TNKS: variants seen among roughly 807,000 people sequenced by gnomAD.
The protein encoded by TNKS is poly [ADP-ribose] polymerase tankyrase-1.
A neutral mutation model predicts 135.8 loss-of-function variants in TNKS; 72 were observed. The observed-to-expected ratio is 0.53, with a 90% CI of 0.44 to 0.64. The LOEUF (loss-of-function observed/expected upper bound fraction) is 0.64, where lower values mean the gene tolerates loss of function less well. Ranked by LOEUF, TNKS falls within the 30% of genes least tolerant of loss-of-function variation. The probability of loss-of-function intolerance (pLI) is 0.00; values close to 1 mark genes in which losing one functional copy is unlikely to be tolerated. For missense variants in TNKS, 1,769 were observed against 1,674.0 expected (o/e 1.06, Z -0.99); for synonymous variants, 849 against 649.3 (o/e 1.31, Z -4.68).
chr8:9,726,842 C>A, intron 13 of TNKS, 122 bp downstream of exon 13: 1 of 764,702 alleles, frequency 1.3e-6, no homozygotes, highest in East Asian at 2.5e-5. Flanking sequence ...GAGTCATGGG[C>A]AGGAAAAATC....
At chr8:9,687,315 T>A (rs768660863) in intron 5 of TNKS, among the ~76,000 whole-genome samples, 14 of 152,180 alleles carry the variant, frequency 9.2e-5, no homozygotes, top group Non-Finnish European at 2.1e-4. Flanking sequence ...CAATTATATA[T>A]CTAATCAAGT....
At chr8:9,559,269 T>G (rs186664045) in intron 1 of TNKS, among the ~76,000 whole-genome samples, 44 of 152,270 alleles carry the variant, frequency 2.9e-4, no homozygotes, top group African/African-American at 6.3e-4. Flanking sequence ...GGAGCTCTTA[T>G]CCTTGTTTTA....
intron 2 of TNKS, among the ~76,000 whole-genome samples, chr8:9,600,723 T>G (rs1798985292): frequency 6.6e-6 from 1 of 152,222 alleles, no homozygotes; most frequent in African/African-American, 2.4e-5. Context: ...GAAATTAATT[T>G]GTTCCAAGTA....
chr8:9,627,177 C>T (rs189514395), intron 3 of TNKS, among the ~76,000 whole-genome samples: 5 of 152,310 alleles, frequency 3.3e-5, no homozygotes, highest in Admixed American at 6.5e-5. Flanking sequence ...TTCCTGGCAG[C>T]TGGTGCTCCA....
intron 3 of TNKS, among the ~76,000 whole-genome samples, chr8:9,646,861 T>C (rs1033099325): frequency 6.6e-6 from 1 of 152,158 alleles, no homozygotes; most frequent in South Asian, 2.1e-4. Context: ...CCTTTTGTAC[T>C]CTGGCAGTTC....
intron 2 of TNKS, among the ~76,000 whole-genome samples, chr8:9,612,337 T>G (rs1799492977): frequency 6.6e-6 from 1 of 152,182 alleles, no homozygotes; most frequent in African/African-American, 2.4e-5. Flanking sequence ...TCAATGTAGA[T>G]GGATTGTAAA....
chr8:9,759,932 C>T (rs547602940), intron 20 of TNKS, among the ~76,000 whole-genome samples: 8 of 151,420 alleles, frequency 5.3e-5, no homozygotes, highest in African/African-American at 9.7e-5. Flanking sequence ...CCGCTGAGAT[C>T]GCGCCACTGC....
chr8:9,565,637 G>A (rs1014708344), intron 1 of TNKS, among the ~76,000 whole-genome samples: 1 of 152,020 alleles, frequency 6.6e-6, no homozygotes, highest in African/African-American at 2.4e-5. Flanking sequence ...GGATCACAAG[G>A]TCAGGAGATG....
At chr8:9,754,304 C>T (rs914422632) in intron 20 of TNKS, among the ~76,000 whole-genome samples, 1 of 152,146 alleles carries the variant, frequency 6.6e-6, no homozygotes, top group Non-Finnish European at 1.5e-5. Flanking sequence ...CTTTCAATCA[C>T]CCACCTCTAC....
At chr8:9,722,185 C>T (rs1465166070) in intron 12 of TNKS, among the ~76,000 whole-genome samples, 1 of 151,872 alleles carries the variant, frequency 6.6e-6, no homozygotes, top group South Asian at 2.1e-4. Context: ...TATTAGAAGA[C>T]AAAACATGAC....
intron 3 of TNKS, among the ~76,000 whole-genome samples, chr8:9,654,144 G>A (rs1394): frequency 0.59 from 89,415 of 151,994 alleles, 26,656 homozygotes; most frequent in Middle Eastern, 0.7. Context: ...GTGATGATTA[G>A]CCAGAAGTGG....
chr8:9,598,773 A>G (rs1182924364), intron 2 of TNKS, among the ~76,000 whole-genome samples: 346 of 13,814 alleles, frequency 0.025, 3 homozygotes, highest in Middle Eastern at 0.058. Flanking sequence ...GTGTATATAT[A>G]TATATATATA....
At position 9,717,101 on chromosome 8, in the gene TNKS, A is replaced by ATATATATTTTTT. The variant is rs1454492300; in HGVS notation, c.1750-3272_1750-3271insATATATTTTTTT. ...TATATATATATATATATATATATAT[A>ATATATATTTTTT]TTTTCAGGGAATTTGATTGTTTCTT... On this transcript the variant is annotated intron_variant, in intron 11 of 26. Coordinates refer to ENST00000310430, the MANE Select transcript of TNKS (RefSeq NM_003747.3). Among the ~76,000 whole-genome samples the ATATATATTTTTT allele has an allele frequency of 1.1e-3, 129 of 119,314 alleles. 3 individuals carry two copies. Among genetic ancestry groups the ATATATATTTTTT allele is most frequent in the African/African-American group, 3.5e-3 (121 of 34,572 alleles). 78.3% of individuals were successfully genotyped at this position (119,314 alleles called of 152,430 possible). A position where few individuals can be genotyped will look rare whatever the true frequency, so the allele number is the denominator to read the frequency against.
chr8:9,762,969 G>GTCTT (rs889745368), intron 21 of TNKS, among the ~76,000 whole-genome samples, 178 bp from the exon 22 acceptor site: 3 of 149,614 alleles, frequency 2.0e-5, no homozygotes, highest in African/African-American at 4.9e-5. Context: ...TCTCCTGTCT[G>GTCTT]TCTTTGAGTA....
intron 19 of TNKS, 124 bp downstream of exon 19, chr8:9,751,970 C>T (rs898107980): frequency 2.1e-5 from 17 of 810,680 alleles, no homozygotes; most frequent in Middle Eastern, 2.8e-4. Flanking sequence ...TTTTCATACA[C>T]ACAACATCTT....
At chr8:9,698,473 G>T (rs753290905) in intron 5 of TNKS, among the ~76,000 whole-genome samples, 1 of 149,506 alleles carries the variant, frequency 6.7e-6, no homozygotes, top group African/African-American at 2.5e-5. Context: ...GATAAATACC[G>T]TATTATGTAC....
intron 20 of TNKS, among the ~76,000 whole-genome samples, chr8:9,753,538 C>T (rs928091878): frequency 3.3e-5 from 5 of 152,268 alleles, no homozygotes; most frequent in Non-Finnish European, 5.9e-5. Flanking sequence ...TTACTGTTTT[C>T]ATACAGGATA....
At chr8:9,726,976 A>G (rs549776600) in intron 13 of TNKS, among the ~76,000 whole-genome samples, 1 of 152,346 alleles carries the variant, frequency 6.6e-6, no homozygotes, top group Non-Finnish European at 1.5e-5. Flanking sequence ...ACACACATAT[A>G]CATGGTTTTT....
chr8:9,604,552 T>C (rs923859368), intron 2 of TNKS, among the ~76,000 whole-genome samples: 1 of 152,020 alleles, frequency 6.6e-6, no homozygotes, highest in African/African-American at 2.4e-5. Flanking sequence ...GTGTAGTTTA[T>C]GTACTATTAA....
Sources: gnomAD v4.1 joint callset for allele counts (sites outside exome capture counted in the v4.1 genomes callset) on GRCh38, gnomAD v4.1.1 for gene constraint, MANE v1.5 for transcripts, NCBI Gene and HGNC (gene_info 2026-07-23, HGNC 2026-07-21) for gene names.